Variants in ACACA observed in about 807,000 individuals in gnomAD.
The protein encoded by ACACA is acetyl-CoA carboxylase 1.
In ACACA, 103 loss-of-function variants were observed where a neutral mutation model predicts 296.1. That is an observed-to-expected ratio of 0.35 (90% confidence interval 0.30 to 0.41). The LOEUF (loss-of-function observed/expected upper bound fraction) is 0.41. Among genes scored for constraint, ACACA ranks in the 10% least tolerant of loss-of-function variants. ACACA has a pLI of 1.00. For synonymous variants in ACACA, 953 were observed against 1,038.6 expected (o/e 0.92, Z 1.58); for missense variants, 1,554 against 2,989.7 (o/e 0.52, Z 11.20).
chr17:37,303,970 T>C (rs989101975), intron 3 of ACACA, among the ~76,000 whole-genome samples: 4 of 152,258 alleles, frequency 2.6e-5, no homozygotes, highest in South Asian at 4.1e-4. Flanking sequence ...TTTGGTATTG[T>C]GTCTATTTCT....
intron 50 of ACACA, among the ~76,000 whole-genome samples, chr17:37,119,185 G>A (rs754075051): frequency 1.3e-5 from 2 of 151,970 alleles, no homozygotes; most frequent in Non-Finnish European, 2.9e-5. Context: ...GGGTTTTCAG[G>A]CCCCCCTTCC....
intron 35 of ACACA, among the ~76,000 whole-genome samples, chr17:37,196,285 T>TA (rs202097445): frequency 1.0e-3 from 144 of 144,172 alleles, no homozygotes; most frequent in African/African-American, 1.9e-3. Flanking sequence ...AGAACTATCT[T>TA]AAAAAAAAAA....
At chr17:37,148,935 C>T (rs551635570) in intron 45 of ACACA, among the ~76,000 whole-genome samples, 1 of 152,250 alleles carries the variant, frequency 6.6e-6, no homozygotes, top group East Asian at 1.9e-4. Flanking sequence ...CCCCCTTTGA[C>T]AGATAAGAAA....
At chr17:37,229,996 G>C (rs774380348) in intron 25 of ACACA, among the ~76,000 whole-genome samples, 17 of 152,218 alleles carry the variant, frequency 1.1e-4, no homozygotes, top group East Asian at 1.9e-4. Context: ...AGGAGGTGGA[G>C]GTTGCAGTGA....
intron 43 of ACACA, among the ~76,000 whole-genome samples, chr17:37,154,927 A>G (rs200463586): frequency 1.3e-5 from 2 of 152,240 alleles, no homozygotes; most frequent in Non-Finnish European, 2.9e-5. Context: ...ATAATAATCA[A>G]TGTTGGCAGG....
At chr17:37,221,948 G>A in intron 28 of ACACA, 106 bp from the exon 29 acceptor site, 1 of 950,338 alleles carries the variant, frequency 1.1e-6, no homozygotes. Flanking sequence ...AAGGTGCTCT[G>A]TGGGGAGAGA....
chr17:37,174,021 T>TATATATATATATATA lies in ACACA; in HGVS notation c.5079+5238_5079+5239insTATATATATATATAT, dbSNP rs1491485396. ...ATATATATATATATATATATATATA[T>TATATATATATATATA]TTTTTTTTTTTTTTTTTTTTGTAGC... On this transcript the variant is annotated intron_variant, in intron 41 of 55. Transcript: ENST00000616317. Among the ~76,000 whole-genome samples the TATATATATATATATA allele has an allele frequency of 2.7e-3, 31 of 11,434 alleles. 1 individual carries two copies. The highest frequency in any genetic ancestry group is 4.0e-3 in the Non-Finnish European group (26 of 6,470). The allele number at this position is 11,434 out of a possible 152,430, so 7.5% of individuals were successfully genotyped here.
At chr17:37,304,715 G>A (rs550736876) in intron 3 of ACACA, among the ~76,000 whole-genome samples, 5 of 151,994 alleles carry the variant, frequency 3.3e-5, no homozygotes, top group Admixed American at 3.3e-4. Flanking sequence ...GCTTGAACCC[G>A]GGAGGCAGAG....
At chr17:37,334,328 C>T (rs2048013557) in intron 2 of ACACA, among the ~76,000 whole-genome samples, 1 of 152,014 alleles carries the variant, frequency 6.6e-6, no homozygotes, top group Admixed American at 6.5e-5. Flanking sequence ...CAAATATCAA[C>T]AGGTTCTTAA....
chr17:37,174,016 A>ATTTT (rs1336673580), intron 41 of ACACA, among the ~76,000 whole-genome samples: 14 of 15,030 alleles, frequency 9.3e-4, no homozygotes, highest in Admixed American at 2.8e-3. Context: ...ATATATATAT[A>ATTTT]TATATTTTTT....
chr17:37,142,424 A>T (rs1567714685), intron 45 of ACACA, among the ~76,000 whole-genome samples: 1 of 152,222 alleles, frequency 6.6e-6, no homozygotes, highest in Non-Finnish European at 1.5e-5. Context: ...ATGGGGCCAG[A>T]TTTACCAATA....
chr17:37,395,501 T>A (rs1167758416), intron 1 of ACACA, among the ~76,000 whole-genome samples: 1 of 152,172 alleles, frequency 6.6e-6, no homozygotes, highest in East Asian at 1.9e-4. Flanking sequence ...AAGTTGTGTT[T>A]ATTTTCAAGT....
chr17:37,296,923 C>G (rs1044645138), intron 3 of ACACA, among the ~76,000 whole-genome samples: 2 of 147,702 alleles, frequency 1.4e-5, no homozygotes, highest in African/African-American at 2.5e-5. Flanking sequence ...CGCCATGTTG[C>G]CCAGGCTGGT....
intron 11 of ACACA, among the ~76,000 whole-genome samples, chr17:37,261,007 C>T (rs888160639): frequency 6.6e-6 from 1 of 152,056 alleles, no homozygotes; most frequent in African/African-American, 2.4e-5. Context: ...GAGATGCTAG[C>T]TTAGCAAAAG....
intron 10 of ACACA, among the ~76,000 whole-genome samples, 155 bp downstream of exon 10, chr17:37,270,596 C>T (rs552896501): frequency 3.9e-4 from 59 of 152,142 alleles, no homozygotes; most frequent in African/African-American, 1.3e-3. Flanking sequence ...TTTTTCTCTG[C>T]TAATATGCAG....
At chr17:37,096,937 A>G (rs1481048489) in intron 54 of ACACA, 59 bp downstream of exon 54, 1 of 1,601,728 alleles carries the variant, frequency 6.2e-7, no homozygotes, top group Non-Finnish European at 8.6e-7. Context: ...CGAGACTTGC[A>G]GCCCTCAGGT....
intron 41 of ACACA, 38 bp downstream of exon 41, chr17:37,179,222 C>T (rs2077229551): frequency 6.2e-7 from 1 of 1,613,710 alleles, no homozygotes. Context: ...CTAGTGGGCA[C>T]AGAGATAAGA....
intron 24 of ACACA, among the ~76,000 whole-genome samples, chr17:37,235,507 T>C (rs2080067581): frequency 6.6e-6 from 1 of 152,188 alleles, no homozygotes; most frequent in South Asian, 2.1e-4. Context: ...AATTTCTGTT[T>C]AAAAAGAAAT....
At chr17:37,204,110 T>C (rs1360223274) in intron 33 of ACACA, among the ~76,000 whole-genome samples, 1 of 152,206 alleles carries the variant, frequency 6.6e-6, no homozygotes, top group East Asian at 1.9e-4. Context: ...TTTGAAAACA[T>C]CTACTGAGTT....
Sources: gnomAD v4.1 joint callset for allele counts (sites outside exome capture counted in the v4.1 genomes callset) on GRCh38, gnomAD v4.1.1 for gene constraint, MANE v1.5 for transcripts, NCBI Gene and HGNC (gene_info 2026-07-23, HGNC 2026-07-21) for gene names.